CNTN5: variants seen among roughly 807,000 people sequenced by gnomAD.
CNTN5 encodes the protein contactin 5.
A neutral mutation model predicts 129.1 loss-of-function variants in CNTN5; 77 were observed. That is an observed-to-expected ratio of 0.60 (90% CI 0.50 to 0.72). The LOEUF (loss-of-function observed/expected upper bound fraction) is 0.72. CNTN5 is among the 30% of genes least tolerant of loss of function. CNTN5 has a pLI of 0.00. For missense variants in CNTN5, 1,478 were observed against 1,328.8 expected (o/e 1.11, Z -1.75); for synonymous variants, 509 against 465.6 (o/e 1.09, Z -1.20).
At chr11:99,227,475 A>G (rs1038471542) in intron 1 of CNTN5, among the ~76,000 whole-genome samples, 2 of 152,148 alleles carry the variant, frequency 1.3e-5, no homozygotes, top group African/African-American at 4.8e-5. Flanking sequence ...AAACTCTTCA[A>G]CTCAAAAGAA....
At chr11:100,287,366 G>C (rs1438842405) in intron 18 of CNTN5, among the ~76,000 whole-genome samples, 9 of 150,514 alleles carry the variant, frequency 6.0e-5, no homozygotes, top group Non-Finnish European at 1.2e-4. Context: ...AGAAAGGTCG[G>C]GTTACCCTCA....
At chr11:99,753,034 C>A (rs917605311) in intron 3 of CNTN5, among the ~76,000 whole-genome samples, 1 of 150,172 alleles carries the variant, frequency 6.7e-6, no homozygotes, top group South Asian at 2.1e-4. Flanking sequence ...TCTTGTTTAT[C>A]GTAGGGACTC....
At chr11:99,598,534 CT>C (rs1490426446) in intron 3 of CNTN5, among the ~76,000 whole-genome samples, 1 of 150,496 alleles carries the variant, frequency 6.6e-6, no homozygotes, top group Non-Finnish European at 1.5e-5. Context: ...TGGCAGAAGC[CT>C]TTTGCCTCCT....
chr11:99,932,116 C>A (rs1950206259), intron 7 of CNTN5, among the ~76,000 whole-genome samples: 1 of 151,870 alleles, frequency 6.6e-6, no homozygotes, highest in Non-Finnish European at 1.5e-5. Flanking sequence ...GCTTCCTTGC[C>A]TTTGATCATG....
chr11:99,323,543 T>A (rs1865657579), intron 1 of CNTN5, among the ~76,000 whole-genome samples: 1 of 152,194 alleles, frequency 6.6e-6, no homozygotes, highest in African/African-American at 2.4e-5. Context: ...GTAAGCTTTT[T>A]ATGTGTATTA....
chr11:100,114,773 T>C (rs1945783860), intron 13 of CNTN5, among the ~76,000 whole-genome samples: 1 of 152,108 alleles, frequency 6.6e-6, no homozygotes, highest in Non-Finnish European at 1.5e-5. Context: ...TTACATGTCA[T>C]CTCATTCATT....
chr11:99,579,738 G>A (rs1469921953), intron 3 of CNTN5, among the ~76,000 whole-genome samples: 18 of 148,158 alleles, frequency 1.2e-4, no homozygotes, highest in Admixed American at 3.4e-4. Context: ...GGGCTGAGAC[G>A]ATGGGGTTTT....
chr11:100,343,658 G>T (rs1405886469), intron 23 of CNTN5, among the ~76,000 whole-genome samples: 1 of 152,070 alleles, frequency 6.6e-6, no homozygotes, highest in African/African-American at 2.4e-5. Context: ...CTTGGAGCCC[G>T]TCTTCTGAGT....
chr11:99,875,105 G>A (rs1324903408), intron 6 of CNTN5, among the ~76,000 whole-genome samples: 1 of 152,096 alleles, frequency 6.6e-6, no homozygotes, highest in African/African-American at 2.4e-5. Context: ...AACCCAAATT[G>A]AGGATTATAG....
At chr11:99,498,719 C>G (rs72991567) in intron 2 of CNTN5, among the ~76,000 whole-genome samples, 12,448 of 152,158 alleles carry the variant, frequency 0.082, 642 homozygotes, top group Middle Eastern at 0.13. Flanking sequence ...AATACATAAG[C>G]TATTAGGGAA....
At chr11:100,314,552 A>G (rs1425166732) in intron 21 of CNTN5, among the ~76,000 whole-genome samples, 2 of 152,158 alleles carry the variant, frequency 1.3e-5, no homozygotes, top group East Asian at 1.9e-4. Flanking sequence ...GGTGTTAACT[A>G]GTAACACCTC....
chr11:99,484,579 CTA>C (rs766113800), intron 2 of CNTN5, among the ~76,000 whole-genome samples: 1 of 152,002 alleles, frequency 6.6e-6, no homozygotes, highest in Non-Finnish European at 1.5e-5. Flanking sequence ...ATCTACAGCT[CTA>C]TGTTTATTAT....
chr11:99,738,256 T>G (rs1943774604), intron 3 of CNTN5, among the ~76,000 whole-genome samples: 1 of 152,050 alleles, frequency 6.6e-6, no homozygotes. Flanking sequence ...TGGTATCTTA[T>G]AAGAGAGGGA....
At chr11:99,115,268 A>C (rs1857988567) in intron 1 of CNTN5, among the ~76,000 whole-genome samples, 1 of 152,216 alleles carries the variant, frequency 6.6e-6, no homozygotes, top group Non-Finnish European at 1.5e-5. Flanking sequence ...AAAATACTTT[A>C]ATTGAATTTC....
rs552799149 is a variant in CNTN5 at position 100,130,433 on chromosome 11, G to T, written c.1580+56139G>T. 2.0e-5 allele frequency among the ~76,000 whole-genome samples: 3 copies of T among 152,224 alleles called. No homozygotes were observed. The South Asian group carries it at 6.2e-4, about 32-fold the overall frequency. On this transcript the variant is annotated intron_variant, in intron 13 of 24. Coordinates refer to ENST00000524871, the MANE Select transcript of CNTN5 (RefSeq NM_014361.4). Reference sequence around the variant, plus strand: ...GAATTTAATATACTGGTAGTACAAAGAATATGGAAAAGAATATTTTCTTAA... The same window carrying T: ...GAATTTAATATACTGGTAGTACAAATAATATGGAAAAGAATATTTTCTTAA...
chr11:99,163,408 T>A (rs1178576965), intron 1 of CNTN5, among the ~76,000 whole-genome samples: 1 of 750 alleles, frequency 1.3e-3, no homozygotes, highest in East Asian at 0.5. Context: ...ATTATTTGAG[T>A]TATGTATGCT....
chr11:99,762,718 A>G (rs866440501), intron 3 of CNTN5, among the ~76,000 whole-genome samples: 37 of 152,192 alleles, frequency 2.4e-4, no homozygotes, highest in African/African-American at 8.9e-4. Flanking sequence ...GGAAATAACA[A>G]CAAATGTGTT....
At chr11:100,081,417 C>T (rs987997022) in intron 13 of CNTN5, among the ~76,000 whole-genome samples, 6 of 152,102 alleles carry the variant, frequency 3.9e-5, no homozygotes, top group African/African-American at 1.4e-4. Flanking sequence ...ATTTTACTCA[C>T]TTCTACTTTA....
At chr11:99,954,398 A>T (rs1349744104) in intron 7 of CNTN5, among the ~76,000 whole-genome samples, 1 of 152,180 alleles carries the variant, frequency 6.6e-6, no homozygotes, top group Non-Finnish European at 1.5e-5. Context: ...ATAGTTGACC[A>T]ACTAATCTCA....
Sources: gnomAD v4.1 joint callset for allele counts (sites outside exome capture counted in the v4.1 genomes callset) on GRCh38, gnomAD v4.1.1 for gene constraint, MANE v1.5 for transcripts, NCBI Gene and HGNC (gene_info 2026-07-23, HGNC 2026-07-21) for gene names.